The following CNTNAP2 variants were observed in gnomAD, a reference collection of about 807,000 sequenced individuals.
CNTNAP2 encodes contactin-associated protein-like 2.
Under a neutral mutation model 155.2 loss-of-function variants are expected in CNTNAP2, and 98 were observed. The ratio of observed to expected loss-of-function variants is 0.63; its 90% CI spans 0.54 to 0.75. The LOEUF is 0.75. Among genes scored for constraint, CNTNAP2 ranks in the 30% least tolerant of loss-of-function variants. The pLI is 0.00. For synonymous variants in CNTNAP2, 651 were observed against 631.2 expected (o/e 1.03, Z -0.47); for missense variants, 1,727 against 1,688.1 (o/e 1.02, Z -0.40).
intron 1 of CNTNAP2, among the ~76,000 whole-genome samples, chr7:146,193,443 T>G (rs909898945): frequency 6.6e-6 from 1 of 152,338 alleles, no homozygotes; most frequent in South Asian, 2.1e-4. Context: ...TTGACTTCCG[T>G]GCATTCACAG....
chr7:147,172,312 T>G (rs1027749207), intron 8 of CNTNAP2, among the ~76,000 whole-genome samples: 4 of 152,186 alleles, frequency 2.6e-5, no homozygotes, highest in African/African-American at 9.7e-5. Flanking sequence ...AATATTTAAC[T>G]TTAAAAATGT....
chr7:146,136,428 A>G (rs1797798592), intron 1 of CNTNAP2, among the ~76,000 whole-genome samples: 1 of 152,198 alleles, frequency 6.6e-6, no homozygotes, highest in Non-Finnish European at 1.5e-5. Flanking sequence ...TTATATCTTA[A>G]GTTATCTTCC....
At chr7:146,422,814 A>G (rs1371845312) in intron 1 of CNTNAP2, among the ~76,000 whole-genome samples, 2 of 152,158 alleles carry the variant, frequency 1.3e-5, no homozygotes, top group Admixed American at 6.6e-5. Flanking sequence ...AAGTAGTGAT[A>G]GTCTGCCCAT....
At chr7:146,975,416 G>A (rs1280668299) in intron 3 of CNTNAP2, among the ~76,000 whole-genome samples, 1 of 152,150 alleles carries the variant, frequency 6.6e-6, no homozygotes. Context: ...AGTGAGCCAA[G>A]ATCATGCCAC....
intron 13 of CNTNAP2, among the ~76,000 whole-genome samples, chr7:147,657,905 G>C (rs1475418465): frequency 3.9e-5 from 6 of 152,206 alleles, no homozygotes; most frequent in Non-Finnish European, 7.3e-5. Context: ...TTGACTTGCT[G>C]CCTCAAATTC....
intron 5 of CNTNAP2, among the ~76,000 whole-genome samples, chr7:147,114,948 T>C (rs1439442837): frequency 2.0e-5 from 3 of 152,146 alleles, no homozygotes; most frequent in Non-Finnish European, 4.4e-5. Context: ...TGGCTGGTAA[T>C]GGTTTTTCCT....
intron 8 of CNTNAP2, among the ~76,000 whole-genome samples, chr7:147,194,798 T>C (rs9987567): frequency 2.4e-3 from 368 of 152,328 alleles, no homozygotes; most frequent in African/African-American, 8.4e-3. Context: ...TTGTTTAAGT[T>C]ATTTGTAAAT....
intron 13 of CNTNAP2, among the ~76,000 whole-genome samples, chr7:147,862,045 T>C (rs1172832334): frequency 6.9e-6 from 1 of 145,500 alleles, no homozygotes; most frequent in South Asian, 2.2e-4. Flanking sequence ...AGGATAGGAG[T>C]TAGTTAGCCA....
At chr7:148,080,604 C>CAAAAAAAAAAA (rs199500286) in intron 15 of CNTNAP2, among the ~76,000 whole-genome samples, 8 of 69,686 alleles carry the variant, frequency 1.1e-4, no homozygotes, top group African/African-American at 2.3e-4. Context: ...GACTCCATCT[C>CAAAAAAAAAAA]AAAAAAAAAA....
chr7:147,150,248 C>A (rs1435062159), intron 8 of CNTNAP2, among the ~76,000 whole-genome samples: 1 of 152,022 alleles, frequency 6.6e-6, no homozygotes, highest in Non-Finnish European at 1.5e-5. Context: ...GGAAAGAATT[C>A]CAAGCCAAGC....
chr7:147,925,163 G>GA (rs1393083058), intron 14 of CNTNAP2, among the ~76,000 whole-genome samples: 1 of 130,388 alleles, frequency 7.7e-6, no homozygotes, highest in Non-Finnish European at 1.6e-5. Flanking sequence ...GAGAAGGAAG[G>GA]AAGGAAGGAA....
chr7:148,151,572 A>G (rs990007801), intron 17 of CNTNAP2, among the ~76,000 whole-genome samples: 1 of 152,218 alleles, frequency 6.6e-6, no homozygotes, highest in East Asian at 1.9e-4. Flanking sequence ...CTGGGATTAC[A>G]GGCATGAGCC....
intron 1 of CNTNAP2, among the ~76,000 whole-genome samples, chr7:146,191,106 T>C (rs1235913661): frequency 1.4e-5 from 2 of 138,974 alleles, no homozygotes; most frequent in African/African-American, 5.9e-5. Flanking sequence ...GTAGGTTCTT[T>C]TCAGATATCG....
At chr7:147,254,397 A>C (rs1422448015) in intron 8 of CNTNAP2, among the ~76,000 whole-genome samples, 1 of 152,192 alleles carries the variant, frequency 6.6e-6, no homozygotes, top group Non-Finnish European at 1.5e-5. Flanking sequence ...ATGTATCACC[A>C]AGTACTAGTA....
chr7:147,970,959 C>A (rs1209451601), intron 14 of CNTNAP2, among the ~76,000 whole-genome samples: 1 of 152,020 alleles, frequency 6.6e-6, no homozygotes, highest in East Asian at 1.9e-4. Context: ...TAATGAATGT[C>A]TATATAGAGG....
At chr7:147,988,163 C>T (rs1801651544) in intron 15 of CNTNAP2, among the ~76,000 whole-genome samples, 2 of 152,234 alleles carry the variant, frequency 1.3e-5, no homozygotes, top group South Asian at 4.1e-4. Flanking sequence ...TTGAGTTTGT[C>T]TAAAGACCTG....
chr7:146,388,974 CAT>C (rs917269551), intron 1 of CNTNAP2, among the ~76,000 whole-genome samples: 2 of 152,100 alleles, frequency 1.3e-5, no homozygotes, highest in African/African-American at 4.8e-5. Flanking sequence ...AGTCACATAG[CAT>C]ACAGGGGATC....
chr7:146,242,550 G>A (rs1422958055), intron 1 of CNTNAP2, among the ~76,000 whole-genome samples: 1 of 146,906 alleles, frequency 6.8e-6, no homozygotes, highest in Non-Finnish European at 1.5e-5. Context: ...AAAAAAAAAA[G>A]GAGAGAAAAA....
chr7:147,289,624 G>A (rs1045271461), intron 8 of CNTNAP2, among the ~76,000 whole-genome samples: 2 of 152,150 alleles, frequency 1.3e-5, no homozygotes, highest in African/African-American at 4.8e-5. Context: ...TTAATCATTG[G>A]CAGAATAATA....
Sources: allele counts gnomAD v4.1 joint callset (sites outside exome capture counted in the v4.1 genomes callset), GRCh38; gene constraint gnomAD v4.1.1; transcripts MANE v1.5; gene names NCBI Gene and HGNC (gene_info 2026-07-23, HGNC 2026-07-21).